The following DPYSL2 variants were observed in gnomAD, a reference collection of about 807,000 sequenced individuals.
DPYSL2 encodes the protein dihydropyrimidinase-related protein 2.
DPYSL2 carries 13 observed loss-of-function variants against 69.9 expected under a neutral mutation model. That is an observed-to-expected ratio of 0.19 (90% confidence interval 0.12 to 0.30). DPYSL2 has a LOEUF of 0.30. Among genes scored for constraint, DPYSL2 ranks in the 10% least tolerant of loss-of-function variants. The pLI is 1.00. For missense variants in DPYSL2, 587 were observed against 918.9 expected (o/e 0.64, Z 4.67); for synonymous variants, 326 against 359.1 (o/e 0.91, Z 1.04).
intron 11 of DPYSL2, among the ~76,000 whole-genome samples, chr8:26,651,205 T>G (rs933278456): frequency 5.3e-5 from 8 of 152,220 alleles, no homozygotes; most frequent in African/African-American, 1.9e-4. Flanking sequence ...CCCTCGTGGT[T>G]GTTTTCACCC....
chr8:26,569,858 A>G (rs2129687184), intron 1 of DPYSL2, among the ~76,000 whole-genome samples: 1 of 152,216 alleles, frequency 6.6e-6, no homozygotes, highest in East Asian at 1.9e-4. Context: ...TCAGTGTGCT[A>G]TGGCATGAGA....
intron 1 of DPYSL2, among the ~76,000 whole-genome samples, chr8:26,574,705 GA>G (rs1320639265): frequency 6.6e-6 from 1 of 152,122 alleles, no homozygotes; most frequent in African/African-American, 2.4e-5. Flanking sequence ...AATTTTACAG[GA>G]AATTTTCATT....
At chr8:26,646,762 G>T (rs1585571787) in intron 10 of DPYSL2, among the ~76,000 whole-genome samples, 1 of 151,994 alleles carries the variant, frequency 6.6e-6, no homozygotes, top group Non-Finnish European at 1.5e-5. Flanking sequence ...AGAGCGAGGT[G>T]GGAGGGTTGC....
At chr8:26,556,033 T>C (rs1800943756) in intron 1 of DPYSL2, among the ~76,000 whole-genome samples, 1 of 100,108 alleles carries the variant, frequency 1.0e-5, no homozygotes, top group Non-Finnish European at 1.9e-5. Context: ...TATATATAAG[T>C]ATATATATAG....
At position 26,643,482 on chromosome 8, in the gene DPYSL2, G is replaced by T; in HGVS notation, c.1170G>T (p.Thr390=). 2 of 1,610,986 alleles carry T rather than the reference G, an allele frequency of 1.2e-6. No individual in the cohort carries two copies. The highest frequency in any genetic ancestry group is 8.5e-7 in the Non-Finnish European group (1 of 1,178,412). Residue 390 remains threonine, a synonymous_variant, in exon 9 of 14, where the codon ACG becomes ACT. Transcript: ENST00000521913. This position sits in a 1 kb window ranked among gnomAD's most constrained non-coding sequence, Gnocchi z 6.5. ...YGEPITASLG[T]DGSHYWSKNW... ...AGCCCATCACTGCCAGCTTGGGAAC[G>T]GACGGCTCCCATTACTGGAGCAAGA... is the stretch of plus-strand genomic sequence containing the variant.
intron 4 of DPYSL2, among the ~76,000 whole-genome samples, chr8:26,625,742 C>T (rs1204766100): frequency 3.9e-5 from 6 of 152,188 alleles, no homozygotes; most frequent in Admixed American, 6.5e-5. Context: ...TCTTCATAGG[C>T]AGAAACTTCT....
At position 26,641,988 on chromosome 8, in the gene DPYSL2, G is replaced by C. The variant is rs1803061168; in HGVS notation, c.1127-1451G>C. Among the ~76,000 whole-genome samples the C allele has an allele frequency of 6.6e-6, 1 of 152,204 alleles. No homozygotes were observed. Reference sequence around the variant, plus strand: ...GAGGAAGGAAAACACATTCCTGACTGTGGTGTGTTTGCCCTTGAGGGCCCT... The same window carrying C: ...GAGGAAGGAAAACACATTCCTGACTCTGGTGTGTTTGCCCTTGAGGGCCCT... On this transcript the variant is annotated intron_variant, in intron 8 of 13. Coordinates refer to ENST00000521913, the MANE Select transcript of DPYSL2 (RefSeq NM_001197293.3). The surrounding 1 kb of genome is among the most constrained non-coding windows in gnomAD (Gnocchi z 4.1).
rs1802206410 is a variant in DPYSL2 at position 26,610,771 on chromosome 8, T to G, written c.629-13372T>G. Among the ~76,000 whole-genome samples the G allele has an allele frequency of 6.6e-6, 1 of 152,224 alleles. No homozygotes were observed. Among genetic ancestry groups the G allele is most frequent in the Non-Finnish European group, 1.5e-5 (1 of 68,040 alleles). On this transcript the variant is annotated intron_variant, in intron 3 of 13. Transcript: ENST00000521913. This position sits in a 1 kb window ranked among gnomAD's most constrained non-coding sequence, Gnocchi z 4.5. ...TACCAGGGATTATGTTCAGCAGGTT[T>G]ATCTCCTCAAGGCACCCCTAAAGTA...
In DPYSL2 at chr8:26,626,572, T is replaced by A; in HGVS notation, c.794-45T>A. On this transcript the variant is annotated intron_variant, in intron 4 of 13. Coordinates refer to ENST00000521913, the MANE Select transcript of DPYSL2 (RefSeq NM_001197293.3). This position sits in a 1 kb window ranked among gnomAD's most constrained non-coding sequence, Gnocchi z 4.3. ...CTTTCTTATCCCTTATTTGGTTATT[T>A]GGTTTATCTATTAAAAGTCCACTTC... 6.3e-7 allele frequency: 1 copy of A among 1,575,388 alleles called. No homozygotes were observed. The highest frequency in any genetic ancestry group is 1.1e-5 in the South Asian group (1 of 90,088).
intron 11 of DPYSL2, among the ~76,000 whole-genome samples, chr8:26,651,415 A>G (rs1337036359): frequency 6.6e-6 from 1 of 152,164 alleles, no homozygotes; most frequent in Non-Finnish European, 1.5e-5. Flanking sequence ...GGTGCTTTTT[A>G]TGGTTGGAGC....
At chr8:26,521,345 T>C (rs1197306249) in intron 1 of DPYSL2, among the ~76,000 whole-genome samples, 3 of 151,674 alleles carry the variant, frequency 2.0e-5, no homozygotes, top group African/African-American at 7.3e-5. Flanking sequence ...GGCTCTGCCA[T>C]TGACTGACTG....
At position 26,528,562 on chromosome 8, in the gene DPYSL2, G is replaced by A. The variant is rs577167841; in HGVS notation, c.354+13883G>A. Reference sequence around the variant, plus strand: ...CTCAGGAGGCTGAGGCAGGAGAATCGCTTGAACCCGGTGGGTGGAGGTTGC... The same window carrying A: ...CTCAGGAGGCTGAGGCAGGAGAATCACTTGAACCCGGTGGGTGGAGGTTGC... On this transcript the variant is annotated intron_variant, in intron 1 of 13. Coordinates refer to ENST00000521913, the MANE Select transcript of DPYSL2 (RefSeq NM_001197293.3). Among the ~76,000 whole-genome samples the A allele has an allele frequency of 7.3e-5, 11 of 151,618 alleles. No individual in the cohort carries two copies. The South Asian group carries it at 1.0e-3, about 14-fold the overall frequency.
chr8:26,634,211 G>C (rs1265961220), intron 7 of DPYSL2, among the ~76,000 whole-genome samples: 1 of 152,212 alleles, frequency 6.6e-6, no homozygotes, highest in African/African-American at 2.4e-5. Flanking sequence ...CTCTGGGCCA[G>C]TGCTGATGTC....
chr8:26,592,143 A>AT (rs1372736033), intron 3 of DPYSL2, among the ~76,000 whole-genome samples: 4 of 152,182 alleles, frequency 2.6e-5, no homozygotes, highest in Non-Finnish European at 5.9e-5. Context: ...TTTTAAAAAA[A>AT]TTAATGGTGC....
intron 7 of DPYSL2, among the ~76,000 whole-genome samples, chr8:26,629,559 C>T (rs775781112): frequency 7.2e-5 from 11 of 152,158 alleles, no homozygotes; most frequent in Non-Finnish European, 7.3e-5. Flanking sequence ...CCTTCTCATG[C>T]GTGCTAAAGG....
chr8:26,557,107 A>G (rs1336319616), intron 1 of DPYSL2, among the ~76,000 whole-genome samples: 1 of 152,182 alleles, frequency 6.6e-6, no homozygotes, highest in Non-Finnish European at 1.5e-5. Context: ...GGAAAATGGA[A>G]ATCTATAAAA....
chr8:26,552,170 T>C (rs1464193398), intron 1 of DPYSL2, among the ~76,000 whole-genome samples: 1 of 152,172 alleles, frequency 6.6e-6, no homozygotes, highest in Non-Finnish European at 1.5e-5. Flanking sequence ...AAAAGAAATT[T>C]TAAAAATATT....
Position 26,624,131 on chromosome 8 carries a change from G to A in DPYSL2, c.629-12G>A, listed in dbSNP as rs750139831. On this transcript the variant is annotated splice_polypyrimidine_tract_variant and intron_variant, in intron 3 of 13. Transcript: ENST00000521913. The surrounding 1 kb of genome is among the most constrained non-coding windows in gnomAD (Gnocchi z 4.7). ...CTCTTGGTGATGATGACATATGTCTGTTTCTTTCTAGTTGACCACGTTGTT... is the reference window on the plus strand; with the variant it reads ...CTCTTGGTGATGATGACATATGTCTATTTCTTTCTAGTTGACCACGTTGTT... The A allele has an allele frequency of 5.3e-5, 86 of 1,613,992 alleles. 2 individuals carry two copies. In the South Asian group the frequency reaches 9.2e-4, roughly 17 times the overall value.
chr8:26,650,728 G>A lies in DPYSL2; in HGVS notation c.1597-1529G>A, dbSNP rs111807841. ...GGCATCTCTGGGGAGACCATCTGCT[G>A]TGCAGACAGGGGTGGCAGAAAATCT... On this transcript the variant is annotated intron_variant, in intron 11 of 13. Transcript: ENST00000521913. The surrounding 1 kb of genome is among the most constrained non-coding windows in gnomAD (Gnocchi z 5.3). Among the ~76,000 whole-genome samples the A allele has an allele frequency of 6.6e-6, 1 of 152,234 alleles. No homozygotes were observed. The highest frequency in any genetic ancestry group is 1.5e-5 in the Non-Finnish European group (1 of 68,036).
Sources: gnomAD v4.1 joint callset for allele counts (sites outside exome capture counted in the v4.1 genomes callset) on GRCh38, gnomAD v4.1.1 for gene constraint, Gnocchi (gnomAD v3.1) non-coding constraint, MANE v1.5 for transcripts, NCBI Gene and HGNC (gene_info 2026-07-23, HGNC 2026-07-21) for gene names.